MPP7: variants seen among roughly 807,000 people sequenced by gnomAD.
MPP7 encodes the protein MAGUK p55 subfamily member 7.
MPP7 carries 60 observed loss-of-function variants against 76.5 expected under a neutral mutation model. That is an observed-to-expected ratio of 0.78 (90% CI 0.64 to 0.97). The LOEUF (loss-of-function observed/expected upper bound fraction) is 0.97, where lower values mean the gene tolerates loss of function less well. Among genes scored for constraint, MPP7 ranks in the 50% least tolerant of loss-of-function variants. MPP7 has a pLI of 0.00. For synonymous variants in MPP7, 237 were observed against 244.5 expected (o/e 0.97, Z 0.29); for missense variants, 641 against 694.0 (o/e 0.92, Z 0.86).
At chr10:28,231,287 G>A (rs1255655165) in intron 2 of MPP7, among the ~76,000 whole-genome samples, 1 of 150,946 alleles carries the variant, frequency 6.6e-6, no homozygotes, top group Non-Finnish European at 1.5e-5. Flanking sequence ...TTAAATTATA[G>A]CACAAATAGA....
intron 5 of MPP7, among the ~76,000 whole-genome samples, chr10:28,144,899 G>GA (rs568288304): frequency 4.8e-4 from 73 of 151,802 alleles, no homozygotes; most frequent in African/African-American, 1.6e-3. Context: ...GGCATTAGAA[G>GA]AAAAAAAATC....
intron 1 of MPP7, among the ~76,000 whole-genome samples, chr10:28,253,899 G>C (rs1839698148): frequency 6.6e-6 from 1 of 150,538 alleles, no homozygotes; most frequent in Non-Finnish European, 1.5e-5. Context: ...GGGAGGCTGA[G>C]GCAGGAGAAT....
At position 28,198,692 on chromosome 10, in the gene MPP7, C is replaced by T. The variant is rs531041063; in HGVS notation, c.156+3461G>A. On this transcript the variant is annotated intron_variant, in intron 3 of 16. Transcript: ENST00000683449. Reference sequence around the variant, plus strand: ...ATTACAAAAACACACAGAAACATAACTAAAAAAAATAAAATGTAAAATAAG... The same window carrying T: ...ATTACAAAAACACACAGAAACATAATTAAAAAAAATAAAATGTAAAATAAG... Among the ~76,000 whole-genome samples, 5 of 150,622 alleles carry T rather than the reference C, an allele frequency of 3.3e-5. No individual in the cohort carries two copies. The East Asian group carries it at 9.7e-4, about 29-fold the overall frequency.
chr10:28,167,098 C>A (rs1022154435), intron 3 of MPP7, among the ~76,000 whole-genome samples: 61 of 152,048 alleles, frequency 4.0e-4, no homozygotes, highest in African/African-American at 1.4e-3. Context: ...ATTACTTGAG[C>A]TCAGGAGTTC....
intron 1 of MPP7, among the ~76,000 whole-genome samples, chr10:28,286,270 C>T (rs553914182): frequency 2.6e-5 from 4 of 151,632 alleles, no homozygotes; most frequent in Admixed American, 6.6e-5. Context: ...GGCGTGAACC[C>T]GGGAGGCAGA....
intron 1 of MPP7, among the ~76,000 whole-genome samples, chr10:28,294,478 C>T (rs1218379673): frequency 2.0e-5 from 3 of 152,112 alleles, no homozygotes; most frequent in Non-Finnish European, 4.4e-5. Flanking sequence ...GTCCAACATA[C>T]GGTGATTAAA....
At chr10:28,298,233 T>G (rs143889408) in intron 1 of MPP7, among the ~76,000 whole-genome samples, 37 of 152,318 alleles carry the variant, frequency 2.4e-4, no homozygotes, top group Non-Finnish European at 4.1e-4. Context: ...TCAATTTACT[T>G]AGCCAAGATC....
intron 1 of MPP7, among the ~76,000 whole-genome samples, chr10:28,257,040 G>A (rs1242430233): frequency 6.6e-6 from 1 of 152,134 alleles, no homozygotes; most frequent in Admixed American, 6.6e-5. Flanking sequence ...CCCACAGAAA[G>A]GAGAAAGATA....
At chr10:28,166,959 T>G (rs1305336066) in intron 3 of MPP7, among the ~76,000 whole-genome samples, 1 of 152,146 alleles carries the variant, frequency 6.6e-6, no homozygotes, top group Admixed American at 6.5e-5. Flanking sequence ...CACAAATTAT[T>G]TACCTATTTT....
chr10:28,056,127 G>C (rs1851544869), intron 16 of MPP7, among the ~76,000 whole-genome samples: 1 of 152,132 alleles, frequency 6.6e-6, no homozygotes, highest in Non-Finnish European at 1.5e-5. Flanking sequence ...CCAGGCTGGA[G>C]TGTAGTGGTG....
intron 12 of MPP7, among the ~76,000 whole-genome samples, chr10:28,087,950 C>T (rs1853100655): frequency 6.6e-6 from 1 of 152,034 alleles, no homozygotes; most frequent in Non-Finnish European, 1.5e-5. Flanking sequence ...TGAGGAGGCT[C>T]AGTATAAATG....
At chr10:28,244,604 A>G (rs1839372284) in intron 1 of MPP7, among the ~76,000 whole-genome samples, 1 of 152,198 alleles carries the variant, frequency 6.6e-6, no homozygotes, top group African/African-American at 2.4e-5. Context: ...CTTTCCACAC[A>G]TGGAAAGGGA....
At chr10:28,301,603 T>C (rs1457816573) in intron 1 of MPP7, among the ~76,000 whole-genome samples, 3 of 152,216 alleles carry the variant, frequency 2.0e-5, no homozygotes, top group African/African-American at 7.2e-5. Context: ...AAATCCATTA[T>C]AGGTATAAAA....
At chr10:28,197,110 G>A (rs1349990622) in intron 3 of MPP7, among the ~76,000 whole-genome samples, 2 of 150,988 alleles carry the variant, frequency 1.3e-5, no homozygotes, top group African/African-American at 4.9e-5. Context: ...CCAGGTGTTC[G>A]CATCCATTAT....
chr10:28,069,198 A>G (rs1264633496), intron 13 of MPP7, among the ~76,000 whole-genome samples: 1 of 152,234 alleles, frequency 6.6e-6, no homozygotes, highest in African/African-American at 2.4e-5. Context: ...ACTTAATTGT[A>G]TATTTTAAAA....
At chr10:28,288,606 A>C (rs1404390150) in intron 1 of MPP7, among the ~76,000 whole-genome samples, 1 of 152,194 alleles carries the variant, frequency 6.6e-6, no homozygotes, top group African/African-American at 2.4e-5. Flanking sequence ...CTAATATGGT[A>C]AACATTGATA....
rs1311970802 is a variant in MPP7 at position 28,303,052 on chromosome 10, G to A, written c.-323C>T. Among the ~76,000 whole-genome samples, 3 of 150,192 alleles carry A rather than the reference G, an allele frequency of 2.0e-5. No individual in the cohort carries two copies. Among genetic ancestry groups the A allele is most frequent in the East Asian group, 3.9e-4 (2 of 5,144 alleles). ...GAGCCCGGCCCCCGCCTCCAGCCCGGCTAGTAACCAACACGGCCCCCACCC... is the reference window on the plus strand; with the variant it reads ...GAGCCCGGCCCCCGCCTCCAGCCCGACTAGTAACCAACACGGCCCCCACCC... On this transcript the variant is annotated 5_prime_UTR_variant, in exon 1 of 17. Transcript: ENST00000683449.
At chr10:28,091,761 T>G (rs1455066019) in intron 11 of MPP7, among the ~76,000 whole-genome samples, 1 of 152,222 alleles carries the variant, frequency 6.6e-6, no homozygotes, top group East Asian at 1.9e-4. Context: ...ATTGAACATG[T>G]ATTGAGTGTT....
intron 1 of MPP7, among the ~76,000 whole-genome samples, chr10:28,256,526 G>A (rs58072887): frequency 5.3e-5 from 8 of 152,032 alleles, no homozygotes; most frequent in African/African-American, 1.9e-4. Flanking sequence ...AAAAAGTAAT[G>A]ACCTAAAATG....
Sources: gnomAD v4.1 joint callset for allele counts (sites outside exome capture counted in the v4.1 genomes callset) on GRCh38, gnomAD v4.1.1 for gene constraint, MANE v1.5 for transcripts, NCBI Gene and HGNC (gene_info 2026-07-23, HGNC 2026-07-21) for gene names.